KLB: variants seen among roughly 807,000 people sequenced by gnomAD.
KLB encodes klotho beta, also known as beta-klotho.
Under a neutral mutation model 88.4 loss-of-function variants are expected in KLB, and 44 were observed. The ratio of observed to expected loss-of-function variants is 0.50; its 90% CI spans 0.39 to 0.64. The LOEUF is 0.64. Among genes scored for constraint, KLB ranks in the 30% least tolerant of loss-of-function variants. KLB has a pLI of 0.00. For synonymous variants in KLB, 548 were observed against 513.4 expected (o/e 1.07, Z -0.91); for missense variants, 1,137 against 1,304.8 (o/e 0.87, Z 1.98).
Position 39,446,601 on chromosome 4 carries a change from C to G in KLB, c.1875C>G (p.Cys625Trp). The G allele has an allele frequency of 3.7e-6, 6 of 1,614,102 alleles. No individual in the cohort carries two copies. Among genetic ancestry groups the G allele is most frequent in the Non-Finnish European group, 5.1e-6 (6 of 1,179,958 alleles). Reference sequence around the variant, plus strand: ...GACAGGCCCTGAGGTACTACAGGTGCGTGGTCAGTGAGGGGCTGAAGCTTG... The same window carrying G: ...GACAGGCCCTGAGGTACTACAGGTGGGTGGTCAGTGAGGGGCTGAAGCTTG... The part of the protein sequence containing the change: ...VNRQALRYYR[C>W]VVSEGLKLGI... Residue 625 changes from cysteine (C) to tryptophan (W), a missense_variant, in exon 4 of 5, where the codon TGC becomes TGG. By Grantham distance (215) the Cys-to-Trp change is radical (BLOSUM62 -2). Around this residue, in one of 4 missense-constraint regions of KLB, gnomAD observed 597 missense variants for 765.2 expected, o/e 0.78. Transcript: ENST00000257408. This position sits in a 1 kb window ranked among gnomAD's most constrained non-coding sequence, Gnocchi z 6.4.
At chr4:39,411,586 C>A (rs549667620) in intron 1 of KLB, among the ~76,000 whole-genome samples, 1 of 151,198 alleles carries the variant, frequency 6.6e-6, no homozygotes, top group Non-Finnish European at 1.5e-5. Context: ...GTGGCTCGAT[C>A]TCAGCTCACT....
intron 1 of KLB, among the ~76,000 whole-genome samples, chr4:39,420,561 G>GT (rs1188945519): frequency 6.6e-6 from 1 of 152,058 alleles, no homozygotes; most frequent in Non-Finnish European, 1.5e-5. Flanking sequence ...GTCTTACTCT[G>GT]TTGTCCAGGC....
At chr4:39,443,919 G>C (rs1743676186) in intron 3 of KLB, among the ~76,000 whole-genome samples, 1 of 151,996 alleles carries the variant, frequency 6.6e-6, no homozygotes, top group Non-Finnish European at 1.5e-5. Context: ...CACTTTGGGA[G>C]GCCGAGGTGG....
chr4:39,427,903 C>T lies in KLB; in HGVS notation c.826-6307C>T, dbSNP rs564579448. 5.9e-5 allele frequency among the ~76,000 whole-genome samples: 9 copies of T among 152,246 alleles called. No individual in the cohort carries two copies. The East Asian group carries it at 1.4e-3, about 23-fold the overall frequency. On this transcript the variant is annotated intron_variant, in intron 1 of 4. Coordinates refer to ENST00000257408, the MANE Select transcript of KLB (RefSeq NM_175737.4). The stretch of plus-strand genomic sequence containing the variant: ...GACAGTGAAATGATCTGTCCAAGAT[C>T]GTAAAGCTGATGAGTCAGCAGAGCT...
Position 39,447,285 on chromosome 4 carries a change from C to T in KLB, c.2559C>T (p.Ile853=). The change falls in exon 4 of 5, where the codon ATC becomes ATT. Residue 853 remains isoleucine (I), a synonymous_variant. Transcript: ENST00000257408. ...SDRDIQFLQD[I]TRLSSPTRLA... ...GGGACATCCAGTTTCTGCAGGACATCACCCGCCTGAGCTCCCCCACGCGCC... is the reference window on the plus strand; with the variant it reads ...GGGACATCCAGTTTCTGCAGGACATTACCCGCCTGAGCTCCCCCACGCGCC... 1 of 1,614,062 alleles carries T rather than the reference C, an allele frequency of 6.2e-7. No homozygotes were observed. Among genetic ancestry groups the T allele is most frequent in the East Asian group, 2.2e-5 (1 of 44,888 alleles).
intron 1 of KLB, among the ~76,000 whole-genome samples, chr4:39,421,752 CAAA>C (rs769591546): frequency 2.2e-5 from 3 of 135,452 alleles, no homozygotes; most frequent in Admixed American, 7.5e-5. Context: ...AACACTCCGT[CAAA>C]AAAAAAAAAA....
rs145214710 is a variant in KLB, at chr4:39,448,974, C to T, written c.*288C>T. On this transcript the variant is annotated 3_prime_UTR_variant, in exon 5 of 5. Coordinates refer to ENST00000257408, the MANE Select transcript of KLB (RefSeq NM_175737.4). ...TCATCAACTGTATTCCATCATTCTG[C>T]TTTAGCTTTCATCTCTACCAATAGC... 1.3e-3 allele frequency: 367 copies of T among 291,192 alleles called. 2 individuals are homozygous for T. Among genetic ancestry groups the T allele is most frequent in the African/African-American group, 6.4e-3 (300 of 46,718 alleles). The allele number at this position is 291,192 out of a possible 1,614,324, so 18.0% of individuals were successfully genotyped here. A position where few individuals can be genotyped will look rare whatever the true frequency, so the allele number is the denominator to read the frequency against.
intron 1 of KLB, among the ~76,000 whole-genome samples, chr4:39,424,693 G>T (rs984653656): frequency 6.7e-6 from 1 of 148,586 alleles, no homozygotes; most frequent in Non-Finnish European, 1.5e-5. Flanking sequence ...GTGCAGTGGC[G>T]CTATCTCGGC....
chr4:39,409,765 AAC>A (rs1290007248), intron 1 of KLB, among the ~76,000 whole-genome samples: 1 of 151,702 alleles, frequency 6.6e-6, no homozygotes, highest in African/African-American at 2.4e-5. Flanking sequence ...CTCTACTGAA[AAC>A]ACAAAAATTA....
rs192893247 is a variant in KLB, at chr4:39,444,307, T to C, written c.1606-2025T>C. Among the ~76,000 whole-genome samples, 65 of 152,282 alleles carry C rather than the reference T, an allele frequency of 4.3e-4. 1 individual carries two copies. In the East Asian group the frequency reaches 0.012, roughly 28 times the overall value. On this transcript the variant is annotated intron_variant, in intron 3 of 4. Coordinates refer to ENST00000257408, the MANE Select transcript of KLB (RefSeq NM_175737.4). ...ATGTTTTATAATTCATTATTGTCAC[T>C]ATGATATTGTTCCTTTTGATGCTCA...
rs1439774126 is a variant in KLB at position 39,430,907 on chromosome 4, G to T, written c.826-3303G>T. ...TTACAGGCATGAGCCACTGCTCCCG[G>T]TTGGAAAGTTTTTTTTTTTTTTCCC... On this transcript the variant is annotated intron_variant, in intron 1 of 4. Transcript: ENST00000257408. 1.6e-5 allele frequency among the ~76,000 whole-genome samples: 2 copies of T among 124,366 alleles called. 1 individual carries two copies. Among genetic ancestry groups the T allele is most frequent in the Admixed American group, 2.0e-4 (2 of 10,100 alleles). 81.6% of individuals were successfully genotyped at this position (124,366 alleles called of 152,430 possible). A position where few individuals can be genotyped will look rare whatever the true frequency, so the allele number is the denominator to read the frequency against.
At chr4:39,445,591 G>A (rs186057909) in intron 3 of KLB, among the ~76,000 whole-genome samples, 225 of 146,232 alleles carry the variant, frequency 1.5e-3, no homozygotes, top group Non-Finnish European at 2.3e-3. Flanking sequence ...TGCAACCTTC[G>A]CCTCCTGCGT....
intron 1 of KLB, among the ~76,000 whole-genome samples, chr4:39,409,378 C>T (rs774863981): frequency 6.6e-6 from 1 of 151,200 alleles, no homozygotes; most frequent in African/African-American, 2.4e-5. Context: ...CTGCAATCTC[C>T]ACCTCCCAGG....
At chr4:39,429,448 G>T (rs1163178717) in intron 1 of KLB, among the ~76,000 whole-genome samples, 1 of 152,178 alleles carries the variant, frequency 6.6e-6, no homozygotes, top group East Asian at 1.9e-4. Context: ...ATCAAAAAAT[G>T]CTGCCACATT....
chr4:39,437,673 A>G lies in KLB; in HGVS notation c.1337-54A>G. ...CTGGCATGTTAGTGAAATTGTAAAC[A>G]TGAACTAGAATGTTTAGGCCTCTGA... On this transcript the variant is annotated intron_variant, in intron 2 of 4. Transcript: ENST00000257408. The G allele has an allele frequency of 7.2e-6, 11 of 1,530,068 alleles. No homozygotes were observed. The South Asian group carries it at 1.0e-4, about 14-fold the overall frequency. 94.8% of individuals were successfully genotyped at this position (1,530,068 alleles called of 1,614,324 possible).
intron 4 of KLB, 109 bp downstream of exon 4, chr4:39,447,584 A>G: frequency 1.1e-6 from 1 of 894,342 alleles, no homozygotes; most frequent in Non-Finnish European, 1.6e-6. Flanking sequence ...AATTTGTGGC[A>G]CCCAAGTCCT....
intron 1 of KLB, among the ~76,000 whole-genome samples, chr4:39,411,337 A>ATTTT (rs35160893): frequency 1.3e-4 from 13 of 103,272 alleles, no homozygotes; most frequent in African/African-American, 3.0e-4. Flanking sequence ...TTTTGTTTTG[A>ATTTT]TTTTTTTTTT....
At chr4:39,415,172 C>T (rs1330892713) in intron 1 of KLB, among the ~76,000 whole-genome samples, 1 of 152,114 alleles carries the variant, frequency 6.6e-6, no homozygotes, top group East Asian at 1.9e-4. Context: ...CTCGGCCTCT[C>T]AAAGTGTTGA....
At chr4:39,433,301 C>G (rs1238126681) in intron 1 of KLB, among the ~76,000 whole-genome samples, 3 of 152,048 alleles carry the variant, frequency 2.0e-5, no homozygotes, top group Non-Finnish European at 2.9e-5. Flanking sequence ...GTGCTGACCC[C>G]AAAGCTTACA....
Sources: allele counts gnomAD v4.1 joint callset (sites outside exome capture counted in the v4.1 genomes callset), GRCh38; gene constraint gnomAD v4.1.1; regional missense constraint gnomAD v4.1.1; non-coding constraint Gnocchi (gnomAD v3.1); transcripts MANE v1.5; gene names NCBI Gene and HGNC (gene_info 2026-07-23, HGNC 2026-07-21).